OPCML: variants seen among roughly 807,000 people sequenced by gnomAD.
OPCML encodes the protein opioid binding protein/cell adhesion molecule like, also known as opioid-binding protein/cell adhesion molecule.
In OPCML, 13 loss-of-function variants were observed where a neutral mutation model predicts 37.8. That is an observed-to-expected ratio of 0.34 (90% CI 0.22 to 0.55). The LOEUF is 0.55. Among genes scored for constraint, OPCML ranks in the 20% least tolerant of loss-of-function variants. The pLI is 0.91. For synonymous variants in OPCML, 176 were observed against 168.8 expected, an observed-to-expected ratio of 1.04 and a Z score of -0.33; for missense variants, 341 against 435.6, an observed-to-expected ratio of 0.78 and a Z score of 1.93.
intron 2 of OPCML, among the ~76,000 whole-genome samples, chr11:132,903,459 C>T (rs1444746677): frequency 1.3e-5 from 2 of 152,088 alleles, no homozygotes; most frequent in East Asian, 1.9e-4. Flanking sequence ...TGAATGGAAC[C>T]CTTCTCTCAT....
intron 1 of OPCML, among the ~76,000 whole-genome samples, chr11:133,028,113 C>CAGT (rs1463324631): frequency 3.3e-5 from 5 of 152,014 alleles, no homozygotes; most frequent in African/African-American, 4.8e-5. Context: ...TTTTCTCAAC[C>CAGT]AGTAACCTTT....
chr11:132,761,913 T>G (rs35249123), intron 2 of OPCML, among the ~76,000 whole-genome samples: 16,775 of 152,146 alleles, frequency 0.11, 1,178 homozygotes, highest in African/African-American at 0.19. Flanking sequence ...ATATTCAGCC[T>G]TTTTGCACTG....
chr11:133,288,237 A>G (rs2136529803), intron 1 of OPCML, among the ~76,000 whole-genome samples: 1 of 152,262 alleles, frequency 6.6e-6, no homozygotes, highest in African/African-American at 2.4e-5. Flanking sequence ...TCAGGCATCA[A>G]GCCTACCTCC....
At position 133,395,014 on chromosome 11, in the gene OPCML, T is replaced by C. The variant is rs964880345; in HGVS notation, c.61+137250A>G. Among the ~76,000 whole-genome samples, 56 of 152,322 alleles carry C rather than the reference T, an allele frequency of 3.7e-4. 1 individual carries two copies. Among genetic ancestry groups the C allele is most frequent in the Admixed American group, 1.8e-3 (27 of 15,296 alleles). ...TGACAGTGTACAAGGGTTCCCTTTT[T>C]TCCACATCCTGCCAGCATTTGTTAT... On this transcript the variant is annotated intron_variant, in intron 1 of 7. Coordinates refer to ENST00000524381, the MANE Select transcript of OPCML (RefSeq NM_001012393.5).
intron 3 of OPCML, among the ~76,000 whole-genome samples, chr11:132,562,820 T>G (rs1463157141): frequency 6.6e-6 from 1 of 152,000 alleles, no homozygotes; most frequent in African/African-American, 2.4e-5. Context: ...CTGAGCAAAT[T>G]TAAACAAATT....
intron 1 of OPCML, among the ~76,000 whole-genome samples, chr11:133,398,688 G>A (rs1945338582): frequency 6.6e-6 from 1 of 151,870 alleles, no homozygotes; most frequent in Non-Finnish European, 1.5e-5. Context: ...AAATATCTTT[G>A]TTATTGCATT....
chr11:132,597,593 A>G (rs145361295), intron 3 of OPCML, among the ~76,000 whole-genome samples: 58 of 152,302 alleles, frequency 3.8e-4, no homozygotes, highest in Non-Finnish European at 7.2e-4. Context: ...GTGACTACTG[A>G]TATTATTGAT....
chr11:133,462,185 A>G (rs979683627), intron 1 of OPCML, among the ~76,000 whole-genome samples: 1 of 152,024 alleles, frequency 6.6e-6, no homozygotes, highest in African/African-American at 2.4e-5. Flanking sequence ...TTAAAAGGTA[A>G]TCAACTCAGT....
chr11:132,474,384 G>A (rs1592229034), intron 4 of OPCML, among the ~76,000 whole-genome samples: 1 of 152,080 alleles, frequency 6.6e-6, no homozygotes, highest in African/African-American at 2.4e-5. Flanking sequence ...ACATAGGAGC[G>A]AAAAGAGCCC....
intron 3 of OPCML, among the ~76,000 whole-genome samples, chr11:132,593,754 C>T (rs550002699): frequency 6.6e-6 from 1 of 152,156 alleles, no homozygotes; most frequent in South Asian, 2.1e-4. Flanking sequence ...TAGTTGAACA[C>T]AGAATAAATT....
In OPCML at chr11:133,340,306, T is replaced by C. The variant is rs7106531; in HGVS notation, c.61+191958A>G. On this transcript the variant is annotated intron_variant, in intron 1 of 7. Transcript: ENST00000524381. ...CAGTATGCAGTGGAATGCTGACCAG[T>C]TGTGATTAGAAATGCACTTCCCAGT... Among the ~76,000 whole-genome samples, 577 of 152,298 alleles carry C rather than the reference T, an allele frequency of 3.8e-3. 3 individuals carry two copies. The highest frequency in any genetic ancestry group is 0.013 in the African/African-American group (550 of 41,556).
intron 1 of OPCML, among the ~76,000 whole-genome samples, chr11:133,203,254 A>C (rs2136323177): frequency 6.6e-6 from 1 of 152,350 alleles, no homozygotes; most frequent in East Asian, 1.9e-4. Context: ...CTCATCTGAA[A>C]CCGGGATAAT....
intron 2 of OPCML, among the ~76,000 whole-genome samples, chr11:132,934,001 C>A (rs1320373863): frequency 6.6e-6 from 1 of 152,116 alleles, no homozygotes; most frequent in African/African-American, 2.4e-5. Flanking sequence ...GACCAGGAGG[C>A]AACAGTGGAT....
intron 1 of OPCML, among the ~76,000 whole-genome samples, chr11:133,291,493 C>T (rs574714176): frequency 2.6e-5 from 4 of 152,364 alleles, no homozygotes; most frequent in Admixed American, 2.0e-4. Flanking sequence ...CAGCCCCTAT[C>T]CTTCCCCAGG....
At position 133,240,716 on chromosome 11, in the gene OPCML, C is replaced by T. The variant is rs73598471; in HGVS notation, c.61+291548G>A. On this transcript the variant is annotated intron_variant, in intron 1 of 7. Coordinates refer to ENST00000524381, the MANE Select transcript of OPCML (RefSeq NM_001012393.5). ...GCTAAACCCTGCCTATATTTTCAAT[C>T]GCCTCCATCATAAGTCACCTTAAAG... Among the ~76,000 whole-genome samples the T allele has an allele frequency of 4.6e-3, 696 of 152,320 alleles. 4 individuals are homozygous for T. Among genetic ancestry groups the T allele is most frequent in the African/African-American group, 0.015 (638 of 41,578 alleles).
intron 2 of OPCML, among the ~76,000 whole-genome samples, chr11:132,727,078 G>A (rs532819890): frequency 7.2e-5 from 11 of 152,160 alleles, no homozygotes; most frequent in Middle Eastern, 3.4e-3. Context: ...AACATTTATC[G>A]GGGACTCACT....
At chr11:132,821,197 G>A (rs538276205) in intron 2 of OPCML, among the ~76,000 whole-genome samples, 9 of 152,318 alleles carry the variant, frequency 5.9e-5, no homozygotes, top group East Asian at 3.9e-4. Flanking sequence ...CTGGCAGAAC[G>A]AAGCTGAGAT....
intron 1 of OPCML, among the ~76,000 whole-genome samples, chr11:133,202,843 G>C (rs1405564895): frequency 6.6e-6 from 1 of 152,218 alleles, no homozygotes; most frequent in Non-Finnish European, 1.5e-5. Flanking sequence ...GCAGCAGGTG[G>C]CCATGAGAAT....
intron 3 of OPCML, among the ~76,000 whole-genome samples, chr11:132,538,940 A>G (rs2096348196): frequency 1.3e-5 from 2 of 152,194 alleles, no homozygotes; most frequent in African/African-American, 2.4e-5. Flanking sequence ...GAAAACTGGT[A>G]TTGAGATAGA....
Sources: gnomAD v4.1 joint callset for allele counts (sites outside exome capture counted in the v4.1 genomes callset) on GRCh38, gnomAD v4.1.1 for gene constraint, MANE v1.5 for transcripts, NCBI Gene and HGNC (gene_info 2026-07-23, HGNC 2026-07-21) for gene names.